KCNH5: variants seen among roughly 807,000 people sequenced by gnomAD.
KCNH5 encodes the protein potassium voltage-gated channel subfamily H member 5, also known as voltage-gated delayed rectifier potassium channel KCNH5.
In KCNH5, 46 loss-of-function variants were observed where a neutral mutation model predicts 96.1. The ratio of observed to expected loss-of-function variants is 0.48; its 90% CI spans 0.38 to 0.61. The LOEUF is 0.61. Ranked by LOEUF, KCNH5 falls within the 20% of genes least tolerant of loss-of-function variation. The pLI is 0.00. For missense variants in KCNH5, 907 were observed against 1,225.8 expected, an observed-to-expected ratio of 0.74 and a Z score of 3.88; for synonymous variants, 439 against 449.8, an observed-to-expected ratio of 0.98 and a Z score of 0.30.
intron 7 of KCNH5, among the ~76,000 whole-genome samples, chr14:62,919,696 G>A (rs1889343858): frequency 1.3e-5 from 2 of 152,120 alleles, no homozygotes; most frequent in African/African-American, 4.8e-5. Context: ...AAAGAAGTCT[G>A]CCGTTCATTG....
intron 7 of KCNH5, among the ~76,000 whole-genome samples, chr14:62,924,405 G>A (rs780613025): frequency 2.6e-4 from 40 of 151,988 alleles, no homozygotes; most frequent in Non-Finnish European, 5.0e-4. Context: ...ATGGAAAACC[G>A]TATGGAGGTT....
chr14:62,868,555 A>T lies in KCNH5; in HGVS notation c.1370-18703T>A, dbSNP rs188637062. On this transcript the variant is annotated intron_variant, in intron 7 of 10. Coordinates refer to ENST00000322893, the MANE Select transcript of KCNH5 (RefSeq NM_139318.5). ...TTGTGCTTTTAAAATTTTTTAATTT[A>T]ATTTTATTTTTATTATACTTTAAGT... Among the ~76,000 whole-genome samples, 62 of 152,202 alleles carry T rather than the reference A, an allele frequency of 4.1e-4. No individual in the cohort carries two copies. The East Asian group carries it at 4.4e-3, about 11-fold the overall frequency.
intron 10 of KCNH5, among the ~76,000 whole-genome samples, chr14:62,748,568 C>T (rs1885427565): frequency 6.6e-6 from 1 of 152,086 alleles, no homozygotes; most frequent in Non-Finnish European, 1.5e-5. Context: ...CTCCCTGCTT[C>T]CTTTACAAGA....
chr14:62,806,339 G>A (rs1300475124), intron 8 of KCNH5, among the ~76,000 whole-genome samples: 2 of 152,168 alleles, frequency 1.3e-5, no homozygotes, highest in East Asian at 3.9e-4. Context: ...TTTGTACTGT[G>A]GACTTGACCT....
rs5809179 is a variant in KCNH5 at position 62,936,980 on chromosome 14, CA to C, written c.1369+13152del. 8.7e-3 allele frequency among the ~76,000 whole-genome samples: 543 copies of C among 62,240 alleles called. 4 individuals are homozygous for C. The highest frequency in any genetic ancestry group is 0.03 in the Middle Eastern group (3 of 100). 40.8% of individuals were successfully genotyped at this position (62,240 alleles called of 152,430 possible). A position where few individuals can be genotyped will look rare whatever the true frequency, so the allele number is the denominator to read the frequency against. On this transcript the variant is annotated intron_variant, in intron 7 of 10. Transcript: ENST00000322893. ...TGGGCAACAGAGTGAGACTCCATCT[CA>C]AAAAAAAAAAAAAAAAAAAAGATGA...
At position 62,821,309 on chromosome 14, in the gene KCNH5, C is replaced by T. The variant is rs565386067; in HGVS notation, c.1570-18728G>A. ...CTTTGTATCAATGCTATTGATAAGACTTGAAAACAGAACAGTAAACACTGC... is the reference window on the plus strand; with the variant it reads ...CTTTGTATCAATGCTATTGATAAGATTTGAAAACAGAACAGTAAACACTGC... On this transcript the variant is annotated intron_variant, in intron 8 of 10. Coordinates refer to ENST00000322893, the MANE Select transcript of KCNH5 (RefSeq NM_139318.5). 2.0e-5 allele frequency among the ~76,000 whole-genome samples: 3 copies of T among 152,130 alleles called. No homozygotes were observed. In the South Asian group the frequency reaches 6.2e-4, roughly 32 times the overall value.
chr14:63,005,906 G>A (rs1321401494), intron 3 of KCNH5, among the ~76,000 whole-genome samples: 1 of 152,142 alleles, frequency 6.6e-6, no homozygotes, highest in Non-Finnish European at 1.5e-5. Context: ...AGAGTCTGAG[G>A]CTGGCAAAAG....
intron 7 of KCNH5, among the ~76,000 whole-genome samples, chr14:62,949,143 T>C (rs1223284454): frequency 6.6e-6 from 1 of 152,114 alleles, no homozygotes; most frequent in Admixed American, 6.5e-5. Flanking sequence ...CAACATAGTG[T>C]TGGAAGTTCT....
rs189400519 is a variant in KCNH5 at position 62,716,005 on chromosome 14, G to C, written c.2020-7550C>G. Reference sequence around the variant, plus strand: ...AAATAACTAATGAAATGTTCTAAGCGTCATTTTCTTTACCATGTAAAAGAT... The same window carrying C: ...AAATAACTAATGAAATGTTCTAAGCCTCATTTTCTTTACCATGTAAAAGAT... On this transcript the variant is annotated intron_variant, in intron 10 of 10. Transcript: ENST00000322893. Among the ~76,000 whole-genome samples, 257 of 152,204 alleles carry C rather than the reference G, an allele frequency of 1.7e-3. 2 individuals carry two copies. Among genetic ancestry groups the C allele is most frequent in the African/African-American group, 6.1e-3 (252 of 41,546 alleles).
intron 10 of KCNH5, among the ~76,000 whole-genome samples, chr14:62,776,361 C>T (rs1176432209): frequency 5.3e-5 from 8 of 152,080 alleles, no homozygotes; most frequent in Non-Finnish European, 8.8e-5. Flanking sequence ...CATCTCTCTA[C>T]CTCCCCTTCT....
At chr14:63,024,237 C>A (rs1191513855) in intron 1 of KCNH5, among the ~76,000 whole-genome samples, 11 of 149,446 alleles carry the variant, frequency 7.4e-5, no homozygotes, top group Admixed American at 4.7e-4. Flanking sequence ...TATCTTGAGA[C>A]AAATGAAAAC....
intron 7 of KCNH5, among the ~76,000 whole-genome samples, chr14:62,913,771 G>A (rs953953947): frequency 2.0e-5 from 3 of 152,048 alleles, no homozygotes; most frequent in African/African-American, 7.2e-5. Context: ...AAATCACAGA[G>A]TTTATCAAAA....
chr14:62,821,858 C>T (rs1481864410), intron 8 of KCNH5, among the ~76,000 whole-genome samples: 1 of 152,016 alleles, frequency 6.6e-6, no homozygotes, highest in African/African-American at 2.4e-5. Flanking sequence ...TACTTTGTGC[C>T]CATGGCAGAT....
At chr14:62,935,078 T>C (rs1340820687) in intron 7 of KCNH5, among the ~76,000 whole-genome samples, 1 of 151,880 alleles carries the variant, frequency 6.6e-6, no homozygotes, top group Non-Finnish European at 1.5e-5. Flanking sequence ...GGTGGAAAAG[T>C]GGGGGGATGA....
At chr14:62,959,230 C>G (rs1267906602) in intron 6 of KCNH5, among the ~76,000 whole-genome samples, 1 of 152,202 alleles carries the variant, frequency 6.6e-6, no homozygotes, top group East Asian at 1.9e-4. Flanking sequence ...TTATCACCAC[C>G]CTTGTTTCTT....
At chr14:63,008,964 T>C (rs983460916) in intron 2 of KCNH5, among the ~76,000 whole-genome samples, 1 of 152,118 alleles carries the variant, frequency 6.6e-6, no homozygotes, top group Admixed American at 6.5e-5. Context: ...AATTAAAGAA[T>C]CTTAATAAAG....
Position 62,802,399 on chromosome 14 carries a change from C to T in KCNH5, c.1752G>A (p.Val584=). The change falls in exon 9 of 11, where the codon GTG becomes GTA. Residue 584 remains valine (V), a synonymous_variant. Coordinates refer to ENST00000322893, the MANE Select transcript of KCNH5 (RefSeq NM_139318.5). ...CTGACACCACAAAGCAGAGGGCATC[C>T]ACACTTTCTCCAGCATGGTAAATGA... is the stretch of plus-strand genomic sequence containing the variant. The part of the protein sequence containing the change: ...GDLIYHAGES[V]DALCFVVSGS... 1.9e-6 allele frequency: 3 copies of T among 1,614,134 alleles called. No individual in the cohort carries two copies. The highest frequency in any genetic ancestry group is 2.5e-6 in the Non-Finnish European group (3 of 1,180,000).
chr14:62,762,455 C>G (rs893418969), intron 10 of KCNH5, among the ~76,000 whole-genome samples: 1 of 152,136 alleles, frequency 6.6e-6, no homozygotes, highest in African/African-American at 2.4e-5. Context: ...AAGCCCTCAC[C>G]AACAGGCACC....
At chr14:63,017,061 G>C in intron 1 of KCNH5, 107 bp from the exon 2 acceptor site, 1 of 1,074,528 alleles carries the variant, frequency 9.3e-7, no homozygotes, top group Non-Finnish European at 1.3e-6. Flanking sequence ...ATACAACTAT[G>C]GTTTGTAATT....
Sources: allele counts gnomAD v4.1 joint callset (sites outside exome capture counted in the v4.1 genomes callset), GRCh38; gene constraint gnomAD v4.1.1; transcripts MANE v1.5; gene names NCBI Gene and HGNC (gene_info 2026-07-23, HGNC 2026-07-21).